Variants in REDIC1 observed in about 807,000 individuals in gnomAD.
REDIC1 encodes HEI10 Interacting Protein 1.
At chr12:39,630,898 C>T in the REDIC1 span, among the ~76,000 whole-genome samples, 15 of 152,254 alleles carry the variant, frequency 9.9e-5, no homozygotes, top group African/African-American at 2.2e-4. Context: ...TTGCCTGAAA[C>T]GGTCAAGGTT....
the REDIC1 span, among the ~76,000 whole-genome samples, chr12:39,797,775 C>CAT: frequency 3.3e-5 from 5 of 151,890 alleles, no homozygotes; most frequent in African/African-American, 7.3e-5. Context: ...CACACACACA[C>CAT]ATACACGGAT....
the REDIC1 span, among the ~76,000 whole-genome samples, chr12:39,712,148 C>A: frequency 0.24 from 7,172 of 29,962 alleles, 306 homozygotes; most frequent in Non-Finnish European, 0.35. Context: ...ATACATACAT[C>A]TATACATGTA....
the REDIC1 span, chr12:39,756,832 T>G: frequency 6.6e-6 from 1 of 151,718 alleles, no homozygotes; most frequent in Non-Finnish European, 1.5e-5. Flanking sequence ...ATTTAGACTC[T>G]TATGTACTAA....
At chr12:39,875,665 A>G in the REDIC1 span, among the ~76,000 whole-genome samples, 1 of 152,232 alleles carries the variant, frequency 6.6e-6, no homozygotes, top group South Asian at 2.1e-4. Flanking sequence ...TCAGTTCTAG[A>G]AAAATCAGGC....
At chr12:39,733,938 G>A in the REDIC1 span, among the ~76,000 whole-genome samples, 28 of 152,114 alleles carry the variant, frequency 1.8e-4, no homozygotes, top group African/African-American at 5.8e-4. Context: ...CATTCCAGGC[G>A]CTACTGGGGT....
the REDIC1 span, among the ~76,000 whole-genome samples, chr12:39,750,839 G>A: frequency 2.0e-4 from 31 of 152,142 alleles, no homozygotes; most frequent in South Asian, 4.8e-3. Context: ...TAAATGATGT[G>A]GGGAAAACTG....
chr12:39,703,634 C>T, the REDIC1 span, among the ~76,000 whole-genome samples: 1 of 152,076 alleles, frequency 6.6e-6, no homozygotes, highest in Admixed American at 6.6e-5. Context: ...CAATCCTAAG[C>T]CAAAAGAACA....
chr12:39,676,512 A>G, the REDIC1 span, among the ~76,000 whole-genome samples: 3 of 152,210 alleles, frequency 2.0e-5, no homozygotes, highest in South Asian at 2.1e-4. Context: ...AGAGAAATCT[A>G]AAAGTTTGGA....
chr12:39,838,909 T>C, the REDIC1 span, among the ~76,000 whole-genome samples: 16 of 152,098 alleles, frequency 1.1e-4, no homozygotes, highest in Non-Finnish European at 1.8e-4. Flanking sequence ...GTGTTTGATC[T>C]TAAAATGCCT....
the REDIC1 span, among the ~76,000 whole-genome samples, chr12:39,848,180 GAT>G: frequency 6.6e-6 from 1 of 152,094 alleles, no homozygotes; most frequent in Non-Finnish European, 1.5e-5. Context: ...TGACAAGTGG[GAT>G]CTAATTAAAC....
At chr12:39,736,318 G>A in the REDIC1 span, among the ~76,000 whole-genome samples, 14 of 152,052 alleles carry the variant, frequency 9.2e-5, no homozygotes, top group African/African-American at 3.1e-4. Flanking sequence ...ATTATCCTAT[G>A]CCTCTTCCAC....
At chr12:39,799,341 C>G in the REDIC1 span, among the ~76,000 whole-genome samples, 3 of 148,264 alleles carry the variant, frequency 2.0e-5, no homozygotes, top group Non-Finnish European at 4.4e-5. Flanking sequence ...AACTCCTGGC[C>G]TCAAGTGATC....
At chr12:39,866,267 T>G in the REDIC1 span, among the ~76,000 whole-genome samples, 6 of 152,158 alleles carry the variant, frequency 3.9e-5, no homozygotes, top group Admixed American at 6.5e-5. Flanking sequence ...GTTTAAGACA[T>G]AGTAGGTGTG....
the REDIC1 span, among the ~76,000 whole-genome samples, chr12:39,639,741 A>G: frequency 5.9e-5 from 9 of 151,986 alleles, no homozygotes; most frequent in African/African-American, 2.2e-4. Flanking sequence ...ATACATGTAA[A>G]GTGTCTGAAG....
chr12:39,839,178 C>G, the REDIC1 span, among the ~76,000 whole-genome samples: 2 of 152,038 alleles, frequency 1.3e-5, no homozygotes, highest in Non-Finnish European at 2.9e-5. Context: ...TCTGGTTTAC[C>G]AGAGAACACC....
chr12:39,786,372 A>ATGATTCTGAGGCCTCCCCAG, the REDIC1 span, among the ~76,000 whole-genome samples: 1 of 149,998 alleles, frequency 6.7e-6, no homozygotes, highest in African/African-American at 2.5e-5. Context: ...TTCATCTCCC[A>ATGATTCTGAGGCCTCCCCAG]CCATGATTCT....
the REDIC1 span, among the ~76,000 whole-genome samples, chr12:39,798,628 G>A: frequency 3.9e-5 from 6 of 152,144 alleles, no homozygotes; most frequent in Non-Finnish European, 5.9e-5. Context: ...GTTTGGCCTC[G>A]TGGCAGGGCA....
chr12:39,646,198 C>T, the REDIC1 span: 3 of 306,684 alleles, frequency 9.8e-6, no homozygotes, highest in Non-Finnish European at 1.8e-5. Flanking sequence ...TATTTTAGCA[C>T]TGATAGAATG....
At chr12:39,638,833 G>A in the REDIC1 span, among the ~76,000 whole-genome samples, 1 of 151,870 alleles carries the variant, frequency 6.6e-6, no homozygotes, top group African/African-American at 2.4e-5. Context: ...AGGCACATAG[G>A]GATGGGCATT....
Sources: allele counts gnomAD v4.1 joint callset (sites outside exome capture counted in the v4.1 genomes callset), GRCh38; gene constraint gnomAD v4.1.1; transcripts MANE v1.5; gene names NCBI Gene and HGNC (gene_info 2026-07-23, HGNC 2026-07-21).